SNAPC4: variants seen among roughly 807,000 people sequenced by gnomAD.
SNAPC4 encodes small nuclear RNA activating complex polypeptide 4.
In SNAPC4, 127 loss-of-function variants were observed where a neutral mutation model predicts 151.3. That is an observed-to-expected ratio of 0.84 (90% CI 0.73 to 0.97). SNAPC4 has a LOEUF of 0.97. Among genes scored for constraint, SNAPC4 ranks in the 50% least tolerant of loss-of-function variants. The probability of loss-of-function intolerance (pLI) is 0.00; values close to 1 mark genes in which losing one functional copy is unlikely to be tolerated. For synonymous variants in SNAPC4, 1,002 were observed against 824.4 expected, an observed-to-expected ratio of 1.22 and a Z score of -3.69; for missense variants, 2,186 against 1,935.0, an observed-to-expected ratio of 1.13 and a Z score of -2.43.
At chr9:136,392,168 C>T in intron 9 of SNAPC4, 62 bp from the exon 10 acceptor site, 1 of 1,592,570 alleles carries the variant, frequency 6.3e-7, no homozygotes, top group Middle Eastern at 1.7e-4. Flanking sequence ...CTAGACGCAG[C>T]TCCAGGCTGA....
Position 136,391,997 on chromosome 9 carries a change from G to A in SNAPC4, c.920C>T (p.Ala307Val), listed in dbSNP as rs201228463. 21 of 1,609,862 alleles carry A rather than the reference G, an allele frequency of 1.3e-5. No individual in the cohort carries two copies. The East Asian group carries it at 1.6e-4, about 12-fold the overall frequency. Residue 307 changes from alanine to valine, a missense_variant, in exon 10 of 24, where the codon GCG (alanine) becomes GTG (valine). Physicochemically the swap from Ala to Val is moderately conservative, Grantham distance 64. Transcript: ENST00000684778. ...WSREEEERLQAIAAAHGHLEW... is the reference protein window; with the variant it reads ...WSREEEERLQVIAAAHGHLEW... ...CAGGTGGCCGTGTGCAGCCGCGATC[G>A]CCTGCAGCCGCTCCTCCTCCTCCCT...
rs1265181478 is a variant in SNAPC4 at position 136,383,039 on chromosome 9, A to G, written c.1983+147T>C. ...GCTTCCCCAACAGTCCCCCCGACGC[A>G]CAGCTGTCCAGAGCTCAGCCAGAAG... On this transcript the variant is annotated intron_variant, in intron 16 of 23. Transcript: ENST00000684778. The surrounding 1 kb of genome is among the most constrained non-coding windows in gnomAD (Gnocchi z 4.2). The G allele has an allele frequency of 1.5e-6, 2 of 1,303,472 alleles. No individual in the cohort carries two copies. Among genetic ancestry groups the G allele is most frequent in the Non-Finnish European group, 2.0e-6 (2 of 994,356 alleles). The allele number at this position is 1,303,472 out of a possible 1,614,324, so 80.7% of individuals were successfully genotyped here.
chr9:136,386,030 T>C (rs1833876496), intron 13 of SNAPC4, among the ~76,000 whole-genome samples: 1 of 152,164 alleles, frequency 6.6e-6, no homozygotes, highest in Admixed American at 6.5e-5. Context: ...TTATCAATCT[T>C]GGGGGTATAA....
rs1389101168 is a variant in SNAPC4 at position 136,384,049 on chromosome 9, C to A, written c.1421-17G>T. ...CCCAGTGACCTGCAAAAGCCAAACC[C>A]CATGGAAATGCCTTCATCCAAAGAT... is the stretch of plus-strand genomic sequence containing the variant. On this transcript the variant is annotated splice_polypyrimidine_tract_variant and intron_variant, in intron 14 of 23. Transcript: ENST00000684778. The A allele has an allele frequency of 1.2e-6, 2 of 1,607,758 alleles. No individual in the cohort carries two copies. The highest frequency in any genetic ancestry group is 2.7e-5 in the African/African-American group (2 of 74,770).
rs150446568 is a variant in SNAPC4 at position 136,379,278 on chromosome 9, G to A, written c.2549C>T (p.Pro850Leu). 4.3e-5 allele frequency: 69 copies of A among 1,612,596 alleles called. No homozygotes were observed. Among genetic ancestry groups the A allele is most frequent in the African/African-American group, 8.0e-5 (6 of 75,052 alleles). The change falls in exon 22 of 24, where the codon CCG (proline) becomes CTG (leucine). Residue 850 changes from proline (P) to leucine (L), a missense_variant. Coordinates refer to ENST00000684778, the MANE Select transcript of SNAPC4 (RefSeq NM_003086.4). ...STPGHLFPNV[P>L]AQEASKSASH... ...GGCACTCTTTGAGGCTTCTTGAGCC[G>A]GCACGTTTGGGAAGAGGTGGCCTGT...
At chr9:136,395,259 C>T in intron 5 of SNAPC4, 39 bp downstream of exon 5, 1 of 1,603,774 alleles carries the variant, frequency 6.2e-7, no homozygotes, top group Non-Finnish European at 8.5e-7. Flanking sequence ...TCCCACGGTG[C>T]AGAGCCTTGC....
chr9:136,397,498 T>A (rs1340310815), intron 2 of SNAPC4, among the ~76,000 whole-genome samples: 1 of 143,058 alleles, frequency 7.0e-6, no homozygotes, highest in Non-Finnish European at 1.5e-5. Flanking sequence ...GCTGGTGGGG[T>A]TGGGGTAGGC....
intron 10 of SNAPC4, 31 bp from the exon 11 acceptor site, chr9:136,388,622 G>A (rs1362670693): frequency 2.5e-6 from 4 of 1,612,974 alleles, no homozygotes; most frequent in Non-Finnish European, 3.4e-6. Context: ...GCAAATGAGT[G>A]TTACTGCGCG....
Position 136,383,529 on chromosome 9 carries a change from G to A in SNAPC4, c.1640C>T (p.Pro547Leu). The change falls in exon 16 of 24, where the codon CCA (proline) becomes CTA (leucine). Residue 547 changes from proline (P) to leucine (L), a missense_variant. By Grantham distance (98) the Pro-to-Leu change is moderately conservative (BLOSUM62 -3). Coordinates refer to ENST00000684778, the MANE Select transcript of SNAPC4 (RefSeq NM_003086.4). This position sits in a 1 kb window ranked among gnomAD's most constrained non-coding sequence, Gnocchi z 4.2. ...ACCCTCCCCGGCCTGCGCCTGCTCT[G>A]GCTCGTCCTCCTCGCTGCTGCTGCT... Reference protein sequence around the residue: ...SSSSSSEEDEPEQAQAGEGDR... With the variant: ...SSSSSSEEDELEQAQAGEGDR... The A allele has an allele frequency of 1.9e-6, 3 of 1,594,260 alleles. No individual in the cohort carries two copies. Among genetic ancestry groups the A allele is most frequent in the Non-Finnish European group, 2.6e-6 (3 of 1,171,528 alleles).
chr9:136,384,768 A>C lies in SNAPC4; in HGVS notation c.1372T>G (p.Leu458Val), dbSNP rs746083837. ...TCAATTAACTGTTCCTCTTCTTTTA[A>C]ATTCCACCGACCCTTTTTCAAGCTG... ...HFSLKKGRWN[L>V]KEEEQLIELI... Residue 458 changes from leucine to valine, a missense_variant, in exon 14 of 24, where the codon TTA becomes GTA. Physicochemically the swap from Leu to Val is conservative, Grantham distance 32 (BLOSUM62 1). Transcript: ENST00000684778. 3.1e-6 allele frequency: 5 copies of C among 1,596,902 alleles called. 1 individual carries two copies. In the South Asian group the frequency reaches 5.6e-5, roughly 18 times the overall value.
intron 4 of SNAPC4, 35 bp downstream of exon 4, chr9:136,395,568 A>C: frequency 1.4e-6 from 2 of 1,448,224 alleles, no homozygotes; most frequent in Non-Finnish European, 1.9e-6. Flanking sequence ...GGGGGTGGGG[A>C]GGTGTGGGCA....
Position 136,394,906 on chromosome 9 carries a change from G to C in SNAPC4, c.472-28C>G, listed in dbSNP as rs1458139762. On this transcript the variant is annotated intron_variant, in intron 5 of 23. Coordinates refer to ENST00000684778, the MANE Select transcript of SNAPC4 (RefSeq NM_003086.4). The stretch of plus-strand genomic sequence containing the variant: ...GTCAGGGTGCACGGCATCACCACAA[G>C]CACAGGCCACATGTGCTCCCTGCAG... 3 of 1,604,264 alleles carry C rather than the reference G, an allele frequency of 1.9e-6. No homozygotes were observed. The Admixed American group carries it at 5.0e-5, about 27-fold the overall frequency.
In SNAPC4 at chr9:136,380,768, G is replaced by A; in HGVS notation, c.2471C>T (p.Ala824Val). ...ALPPRLPQAG[A>V]RDPPVHLLQA... ...CAGAAGATGAACTGGTGGGTCCCGAGCACCAGCCTGGGGCAGCCTGGGTGG... is the reference window on the plus strand; with the variant it reads ...CAGAAGATGAACTGGTGGGTCCCGAACACCAGCCTGGGGCAGCCTGGGTGG... The change falls in exon 20 of 24, where the codon GCT becomes GTT. Residue 824 changes from alanine (A) to valine (V), a missense_variant. Ala to Val is a moderately conservative substitution (Grantham distance 64, BLOSUM62 0). Coordinates refer to ENST00000684778, the MANE Select transcript of SNAPC4 (RefSeq NM_003086.4). 6.2e-7 allele frequency: 1 copy of A among 1,608,518 alleles called. No homozygotes were observed.
chr9:136,397,842 G>A (rs544269571), intron 2 of SNAPC4, among the ~76,000 whole-genome samples: 1 of 151,962 alleles, frequency 6.6e-6, no homozygotes, highest in Non-Finnish European at 1.5e-5. Context: ...ATCTGGTGAG[G>A]TTCAGGCCTG....
chr9:136,391,923 GT>G lies in SNAPC4; in HGVS notation c.975+18del. On this transcript the variant is annotated intron_variant, in intron 10 of 23. Coordinates refer to ENST00000684778, the MANE Select transcript of SNAPC4 (RefSeq NM_003086.4). ...GCCCTCAGGTCTCCTGGCCCCTGGG[GT>G]CCAGGCCAGGCCCTTACCCCCAGCT... The G allele has an allele frequency of 6.3e-7, 1 of 1,597,888 alleles. No individual in the cohort carries two copies. Among genetic ancestry groups the G allele is most frequent in the South Asian group, 1.1e-5 (1 of 90,876 alleles).
intron 11 of SNAPC4, 46 bp from the exon 12 acceptor site, chr9:136,387,894 C>T (rs754988066): frequency 1.3e-5 from 14 of 1,070,542 alleles, no homozygotes; most frequent in South Asian, 7.5e-5. Flanking sequence ...GAGACACACA[C>T]CCTCCATAGA....
chr9:136,382,531 G>C (rs377620456), intron 16 of SNAPC4, among the ~76,000 whole-genome samples, 195 bp from the exon 17 acceptor site: 4 of 152,174 alleles, frequency 2.6e-5, no homozygotes, highest in African/African-American at 9.7e-5. Context: ...GCTAGGCCTG[G>C]CTCCTGGGAC....
In SNAPC4 at chr9:136,400,142, G is replaced by A. The variant is rs907379741; in HGVS notation, c.-18C>T. ...CTGGGCGCACACCTTACCTGGCCGC[G>A]CGGACCCCGCCGTCGCCCGGGCGAC... is the stretch of plus-strand genomic sequence containing the variant. On this transcript the variant is annotated 5_prime_UTR_variant, in exon 1 of 24. Transcript: ENST00000684778. 6.6e-6 allele frequency: 1 copy of A among 152,120 alleles called. No homozygotes were observed. The highest frequency in any genetic ancestry group is 1.5e-5 in the Non-Finnish European group (1 of 68,006). The allele number at this position is 152,120 out of a possible 1,614,324, so 9.4% of individuals were successfully genotyped here.
At chr9:136,395,574 G>A in intron 4 of SNAPC4, 29 bp downstream of exon 4, 1 of 1,593,072 alleles carries the variant, frequency 6.3e-7, no homozygotes, top group Non-Finnish European at 8.6e-7. Context: ...GGGGAGGTGT[G>A]GGCACCGGGG....
Sources: gnomAD v4.1 joint callset for allele counts (sites outside exome capture counted in the v4.1 genomes callset) on GRCh38, gnomAD v4.1.1 for gene constraint, Gnocchi (gnomAD v3.1) non-coding constraint, MANE v1.5 for transcripts, NCBI Gene and HGNC (gene_info 2026-07-23, HGNC 2026-07-21) for gene names.